Variants in PAK1 observed in about 807,000 individuals in gnomAD.
PAK1 encodes the protein p21 (RAC1) activated kinase 1.
In PAK1, 29 loss-of-function variants were observed where a neutral mutation model predicts 67.4. That is an observed-to-expected ratio of 0.43 (90% CI 0.32 to 0.59). PAK1 has a LOEUF of 0.59. Ranked by LOEUF, PAK1 falls within the 20% of genes least tolerant of loss-of-function variation. PAK1 has a pLI of 0.07. For synonymous variants in PAK1, 223 were observed against 237.4 expected, an observed-to-expected ratio of 0.94 and a Z score of 0.56; for missense variants, 337 against 670.7, an observed-to-expected ratio of 0.50 and a Z score of 5.50.
the PAK1 span, among the ~76,000 whole-genome samples, chr11:77,485,513 T>A: frequency 6.6e-6 from 1 of 152,194 alleles, no homozygotes; most frequent in African/African-American, 2.4e-5. Flanking sequence ...TTCACACTTG[T>A]TGCCCAGGCT....
chr11:77,397,305 T>C (rs983759670), intron 1 of PAK1: 1 of 152,248 alleles, frequency 6.6e-6, no homozygotes, highest in Non-Finnish European at 1.5e-5. Flanking sequence ...GACTCTATAA[T>C]AAATGCAGGA....
At chr11:77,468,967 T>C (rs1957723765) in intron 1 of PAK1, among the ~76,000 whole-genome samples, 2 of 152,108 alleles carry the variant, frequency 1.3e-5, no homozygotes, top group Admixed American at 6.5e-5. Flanking sequence ...TTGAACAAAA[T>C]AACATCCAGG....
intron 5 of PAK1, among the ~76,000 whole-genome samples, chr11:77,368,598 G>A (rs995068545): frequency 6.6e-6 from 1 of 152,176 alleles, no homozygotes; most frequent in Non-Finnish European, 1.5e-5. Context: ...CCCAGAATGA[G>A]AGCTACTTAT....
chr11:77,432,767 A>G (rs923590826), intron 1 of PAK1, among the ~76,000 whole-genome samples: 1 of 152,184 alleles, frequency 6.6e-6, no homozygotes, highest in African/African-American at 2.4e-5. Context: ...AAGTTCAACA[A>G]GGTTTCAGGA....
the PAK1 span, among the ~76,000 whole-genome samples, chr11:77,489,381 C>CCCTCCCT: frequency 6.8e-6 from 1 of 146,688 alleles, no homozygotes; most frequent in Admixed American, 6.7e-5. Context: ...CTCCTATCTC[C>CCCTCCCT]CCTCCCTCCT....
In PAK1 at chr11:77,436,125, T is replaced by C. The variant is rs543765025; in HGVS notation, c.-22+37427A>G. ...CATGACCGCCACATCACCACTGAAA[T>C]AGGAAGGTGTTCAGGAGAAATAACA... On this transcript the variant is annotated intron_variant, in intron 1 of 14. Coordinates refer to ENST00000356341, the MANE Select transcript of PAK1 (RefSeq NM_002576.5). Among the ~76,000 whole-genome samples, 17 of 152,240 alleles carry C rather than the reference T, an allele frequency of 1.1e-4. No homozygotes were observed. In the East Asian group the frequency reaches 2.5e-3, roughly 22 times the overall value.
At chr11:77,371,572 T>C (rs970511771) in intron 5 of PAK1, among the ~76,000 whole-genome samples, 1 of 152,216 alleles carries the variant, frequency 6.6e-6, no homozygotes, top group Admixed American at 6.5e-5. Context: ...GTGAGTCACT[T>C]AATCTTTCTG....
chr11:77,488,665 T>A, the PAK1 span, among the ~76,000 whole-genome samples: 1 of 152,030 alleles, frequency 6.6e-6, no homozygotes, highest in South Asian at 2.1e-4. Context: ...CTGACGAATG[T>A]GGGAGTCTCT....
intron 1 of PAK1, among the ~76,000 whole-genome samples, chr11:77,398,635 CAACA>C (rs1952168905): frequency 6.6e-6 from 1 of 152,198 alleles, no homozygotes; most frequent in South Asian, 2.1e-4. Context: ...AACAGTGCTG[CAACA>C]AACAGGAGTG....
chr11:77,497,747 C>T, the PAK1 span, among the ~76,000 whole-genome samples: 1 of 152,340 alleles, frequency 6.6e-6, no homozygotes, highest in East Asian at 1.9e-4. Context: ...AAGGATCTCT[C>T]TCTTGCTGTG....
chr11:77,406,664 G>C (rs1273246641), intron 1 of PAK1, among the ~76,000 whole-genome samples: 1 of 152,166 alleles, frequency 6.6e-6, no homozygotes, highest in Admixed American at 6.5e-5. Context: ...GGTAGTCCCA[G>C]CTACTCAAGA....
intron 13 of PAK1, among the ~76,000 whole-genome samples, chr11:77,334,436 C>T (rs73501406): frequency 6.6e-6 from 1 of 152,020 alleles, no homozygotes; most frequent in African/African-American, 2.4e-5. Flanking sequence ...TGTAGATGAC[C>T]ACCTACCAGC....
chr11:77,456,734 T>C (rs1016145535), intron 1 of PAK1, among the ~76,000 whole-genome samples: 1 of 152,004 alleles, frequency 6.6e-6, no homozygotes, highest in African/African-American at 2.4e-5. Flanking sequence ...ACAATTATTA[T>C]TATTTGGTTT....
chr11:77,482,704 C>T, the PAK1 span, among the ~76,000 whole-genome samples: 1 of 151,792 alleles, frequency 6.6e-6, no homozygotes, highest in Admixed American at 6.6e-5. Flanking sequence ...AGCAATCCTC[C>T]CACCTCAGCC....
chr11:77,400,720 G>T (rs1017275436), intron 1 of PAK1, among the ~76,000 whole-genome samples: 1 of 152,212 alleles, frequency 6.6e-6, no homozygotes, highest in African/African-American at 2.4e-5. Context: ...AGCATTATTT[G>T]GGGCTGTTTT....
chr11:77,452,157 T>C (rs988503652), intron 1 of PAK1, among the ~76,000 whole-genome samples: 1 of 152,206 alleles, frequency 6.6e-6, no homozygotes, highest in African/African-American at 2.4e-5. Context: ...CTTCATTTCA[T>C]TTTTTCCCCT....
rs1307080957 is a variant in PAK1 at position 77,322,570 on chromosome 11, TA to T, written c.*703del. The T allele has an allele frequency of 5.0e-5, 10 of 200,674 alleles. No individual in the cohort carries two copies. Among genetic ancestry groups the T allele is most frequent in the East Asian group, 4.9e-4 (6 of 12,354 alleles). 12.4% of individuals were successfully genotyped at this position (200,674 alleles called of 1,614,324 possible). A position where few individuals can be genotyped will look rare whatever the true frequency, so the allele number is the denominator to read the frequency against. On this transcript the variant is annotated 3_prime_UTR_variant, in exon 15 of 15. Coordinates refer to ENST00000356341, the MANE Select transcript of PAK1 (RefSeq NM_002576.5). ...TCAATGTTATAAACAAGGGACAGGA[TA>T]GGGGCAGCAGCCTAGGGTATGCAGG...
chr11:77,451,810 G>A lies in PAK1; in HGVS notation c.-22+21742C>T, dbSNP rs1956869099. Among the ~76,000 whole-genome samples the A allele has an allele frequency of 1.4e-5, 2 of 143,918 alleles. 1 individual carries two copies. The highest frequency in any genetic ancestry group is 3.0e-5 in the Non-Finnish European group (2 of 65,996). The allele number at this position is 143,918 out of a possible 152,430, so 94.4% of individuals were successfully genotyped here. A position where few individuals can be genotyped will look rare whatever the true frequency, so the allele number is the denominator to read the frequency against. On this transcript the variant is annotated intron_variant, in intron 1 of 14. Transcript: ENST00000356341. ...AGACGGGGTTTCACCATTTTGGTCA[G>A]GCTGTCTCGAACTCCTGACCTCAGG... is the stretch of plus-strand genomic sequence containing the variant.
intron 13 of PAK1, among the ~76,000 whole-genome samples, chr11:77,334,179 A>T (rs1423006482): frequency 1.4e-5 from 2 of 147,238 alleles, no homozygotes; most frequent in Non-Finnish European, 3.1e-5. Context: ...AAAAAAAAAA[A>T]TAAAATAAAA....
Sources: gnomAD v4.1 joint callset for allele counts (sites outside exome capture counted in the v4.1 genomes callset) on GRCh38, gnomAD v4.1.1 for gene constraint, MANE v1.5 for transcripts, NCBI Gene and HGNC (gene_info 2026-07-23, HGNC 2026-07-21) for gene names.